The following NSD2 variants were observed in gnomAD, a reference collection of about 807,000 sequenced individuals.
The protein encoded by NSD2 is histone-lysine N-methyltransferase NSD2.
A neutral mutation model predicts 139.0 loss-of-function variants in NSD2; 12 were observed. That is an observed-to-expected ratio of 0.09 (90% CI 0.06 to 0.14). The LOEUF is 0.14. Ranked by LOEUF, NSD2 falls within the 10% of genes least tolerant of loss-of-function variation. The pLI, the probability that NSD2 is intolerant of heterozygous loss-of-function variation, is 1.00. For synonymous variants in NSD2, 669 were observed against 648.7 expected, an observed-to-expected ratio of 1.03 and a Z score of -0.48; for missense variants, 1,155 against 1,745.0, an observed-to-expected ratio of 0.66 and a Z score of 6.02.
rs1261596790 is a variant in NSD2 at position 1,981,961 on chromosome 4, A to T, written c.*3052A>T. 1 of 398,452 alleles carries T rather than the reference A, an allele frequency of 2.5e-6. No individual in the cohort carries two copies. Among genetic ancestry groups the T allele is most frequent in the Non-Finnish European group, 4.4e-6 (1 of 226,070 alleles). The allele number at this position is 398,452 out of a possible 1,614,324, so 24.7% of individuals were successfully genotyped here. A position where few individuals can be genotyped will look rare whatever the true frequency, so the allele number is the denominator to read the frequency against. ...ATTAAATACAAACTTAAATGTGCCT[A>T]TTGGTGTCTAAACTTCATACAATGT... On this transcript the variant is annotated 3_prime_UTR_variant, in exon 22 of 22. Coordinates refer to ENST00000508803, the MANE Select transcript of NSD2 (RefSeq NM_001042424.3).
intron 7 of NSD2, 113 bp downstream of exon 7, chr4:1,935,375 C>T (rs1345120254): frequency 2.7e-6 from 2 of 745,954 alleles, no homozygotes; most frequent in Admixed American, 4.6e-5. Flanking sequence ...GTGCACCCAG[C>T]TCCTTCCAGG....
At chr4:1,960,984 G>A (rs977161093) in intron 17 of NSD2, 51 bp from the exon 18 acceptor site, 3 of 1,501,768 alleles carry the variant, frequency 2.0e-6, no homozygotes, top group East Asian at 4.6e-5. Context: ...CCCCGACACT[G>A]AGGATTGGTC....
chr4:1,903,504 C>T (rs971236977), intron 2 of NSD2, among the ~76,000 whole-genome samples: 4 of 152,114 alleles, frequency 2.6e-5, no homozygotes, highest in Admixed American at 2.0e-4. Context: ...ATGTTGGTGA[C>T]ACATGGGCTG....
At chr4:1,965,400 A>G (rs1194287291) in intron 18 of NSD2, among the ~76,000 whole-genome samples, 4 of 152,246 alleles carry the variant, frequency 2.6e-5, no homozygotes, top group African/African-American at 9.6e-5. Context: ...AAGCAGACCA[A>G]TATATCTATT....
Position 1,948,420 on chromosome 4 carries a change from A to T in NSD2, c.1882-2652A>T. ...GTGAGTCACGTCACCTGGTGCGTGG[A>T]GGTGGAGCCTGCGGCTGGAGTAAGG... is the stretch of plus-strand genomic sequence containing the variant. On this transcript the variant is annotated intron_variant, in intron 9 of 21. Transcript: ENST00000508803. The surrounding 1 kb of genome is among the most constrained non-coding windows in gnomAD (Gnocchi z 4.5). 1 of 1,066,248 alleles carries T rather than the reference A, an allele frequency of 9.4e-7. No homozygotes were observed. The highest frequency in any genetic ancestry group is 1.1e-6 in the Non-Finnish European group (1 of 878,962). The allele number at this position is 1,066,248 out of a possible 1,614,324, so 66.0% of individuals were successfully genotyped here. A position where few individuals can be genotyped will look rare whatever the true frequency, so the allele number is the denominator to read the frequency against.
chr4:1,967,148 A>G (rs1409912939), intron 18 of NSD2, among the ~76,000 whole-genome samples: 2 of 152,224 alleles, frequency 1.3e-5, no homozygotes, highest in Non-Finnish European at 2.9e-5. Context: ...ACTGTGAACA[A>G]CTGTACTCCA....
rs1726666600 is a variant in NSD2, at chr4:1,973,088, G to A, written c.3373-1775G>A. On this transcript the variant is annotated intron_variant, in intron 18 of 21. Coordinates refer to ENST00000508803, the MANE Select transcript of NSD2 (RefSeq NM_001042424.3). The surrounding 1 kb of genome is among the most constrained non-coding windows in gnomAD (Gnocchi z 5.5). The stretch of plus-strand genomic sequence containing the variant: ...GCTGGTTTCGAACTCCTGGCCTCAA[G>A]TGATCCTTGGCCTCCCAAAGTACTG... Among the ~76,000 whole-genome samples the A allele has an allele frequency of 6.6e-6, 1 of 152,202 alleles. No individual in the cohort carries two copies. Among genetic ancestry groups the A allele is most frequent in the Non-Finnish European group, 1.5e-5 (1 of 68,030 alleles).
intron 1 of NSD2, chr4:1,899,427 A>T (rs1485884845): frequency 6.6e-6 from 1 of 152,160 alleles, no homozygotes; most frequent in African/African-American, 2.4e-5. Flanking sequence ...GTGGTAATAA[A>T]AAATGCTTCC....
intron 1 of NSD2, among the ~76,000 whole-genome samples, chr4:1,881,285 G>A (rs1054037789): frequency 2.0e-5 from 3 of 152,110 alleles, no homozygotes; most frequent in African/African-American, 7.2e-5. Context: ...TTTTGAGACG[G>A]AGTCTTGCTT....
chr4:1,951,892 C>A, intron 10 of NSD2: 1 of 643,132 alleles, frequency 1.6e-6, no homozygotes, highest in Non-Finnish European at 2.5e-6. Context: ...TTGCTGAGGA[C>A]TGGCCTCTTT....
At chr4:1,874,701 C>G (rs1199516671) in intron 1 of NSD2, among the ~76,000 whole-genome samples, 1 of 152,078 alleles carries the variant, frequency 6.6e-6, no homozygotes, top group East Asian at 1.9e-4. Flanking sequence ...TAGAACAGAT[C>G]TGTACTACCA....
rs1724982532 is a variant in NSD2, at chr4:1,957,801, G to A, written c.2882-132G>A. The A allele has an allele frequency of 3.6e-6, 3 of 837,762 alleles. No homozygotes were observed. In the South Asian group the frequency reaches 5.5e-5, roughly 15 times the overall value. The allele number at this position is 837,762 out of a possible 1,614,324, so 51.9% of individuals were successfully genotyped here. A position where few individuals can be genotyped will look rare whatever the true frequency, so the allele number is the denominator to read the frequency against. Reference sequence around the variant, plus strand: ...ACCTGCCCACTGACAGTTGTTCATAGACTCTAGTTTTATGGGAACCAGAAA... The same window carrying A: ...ACCTGCCCACTGACAGTTGTTCATAAACTCTAGTTTTATGGGAACCAGAAA... On this transcript the variant is annotated intron_variant, in intron 15 of 21. Coordinates refer to ENST00000508803, the MANE Select transcript of NSD2 (RefSeq NM_001042424.3).
rs539743018 is a variant in NSD2, at chr4:1,980,574, C to T, written c.*1665C>T. The stretch of plus-strand genomic sequence containing the variant: ...TCTTTGGACCTGAGAGTGGCTACTC[C>T]GTGGTTTTGTGACCTGTAAGCGTGG... On this transcript the variant is annotated 3_prime_UTR_variant, in exon 22 of 22. Coordinates refer to ENST00000508803, the MANE Select transcript of NSD2 (RefSeq NM_001042424.3). 8.1e-4 allele frequency: 188 copies of T among 233,158 alleles called. No homozygotes were observed. Among genetic ancestry groups the T allele is most frequent in the African/African-American group, 8.6e-4 (39 of 45,436 alleles). The allele number at this position is 233,158 out of a possible 1,614,324, so 14.4% of individuals were successfully genotyped here.
Position 1,980,013 on chromosome 4 carries a change from C to G in NSD2, c.*1104C>G, listed in dbSNP as rs1188796016. The G allele has an allele frequency of 8.6e-6, 2 of 232,838 alleles. No individual in the cohort carries two copies. The highest frequency in any genetic ancestry group is 1.7e-5 in the Non-Finnish European group (2 of 117,842). The allele number at this position is 232,838 out of a possible 1,614,324, so 14.4% of individuals were successfully genotyped here. On this transcript the variant is annotated 3_prime_UTR_variant, in exon 22 of 22. Coordinates refer to ENST00000508803, the MANE Select transcript of NSD2 (RefSeq NM_001042424.3). ...ACCCAGAGTGGCTTCCATCTCAGCACTCTGTGGGTCTGGTGATGGAAGATG... is the reference window on the plus strand; with the variant it reads ...ACCCAGAGTGGCTTCCATCTCAGCAGTCTGTGGGTCTGGTGATGGAAGATG...
rs1311533147 is a variant in NSD2 at position 1,979,107 on chromosome 4, G to C, written c.*198G>C. Reference sequence around the variant, plus strand: ...GTCCGCTGCGTCTGCACTGATGACCGTCTGAGCCCAGCTCAGCGTTCCTGG... The same window carrying C: ...GTCCGCTGCGTCTGCACTGATGACCCTCTGAGCCCAGCTCAGCGTTCCTGG... On this transcript the variant is annotated 3_prime_UTR_variant, in exon 22 of 22. Coordinates refer to ENST00000508803, the MANE Select transcript of NSD2 (RefSeq NM_001042424.3). The C allele has an allele frequency of 1.7e-5, 9 of 539,948 alleles. No homozygotes were observed. In the South Asian group the frequency reaches 4.8e-4, roughly 29 times the overall value. 33.4% of individuals were successfully genotyped at this position (539,948 alleles called of 1,614,324 possible). A position where few individuals can be genotyped will look rare whatever the true frequency, so the allele number is the denominator to read the frequency against.
In NSD2 at chr4:1,981,935, A is replaced by T; in HGVS notation, c.*3026A>T. The stretch of plus-strand genomic sequence containing the variant: ...TTGAGGTGTGAAATGCCCCGTCAGA[A>T]ATTAAATACAAACTTAAATGTGCCT... On this transcript the variant is annotated 3_prime_UTR_variant, in exon 22 of 22. Transcript: ENST00000508803. 1 of 398,596 alleles carries T rather than the reference A, an allele frequency of 2.5e-6. No individual in the cohort carries two copies. The highest frequency in any genetic ancestry group is 4.4e-5 in the Admixed American group (1 of 22,732). The allele number at this position is 398,596 out of a possible 1,614,324, so 24.7% of individuals were successfully genotyped here.
chr4:1,911,955 G>A (rs1009828014), intron 3 of NSD2: 11 of 189,752 alleles, frequency 5.8e-5, no homozygotes, highest in African/African-American at 1.7e-4. Flanking sequence ...TATATTGTGT[G>A]TGCTGTTACA....
intron 8 of NSD2, among the ~76,000 whole-genome samples, 186 bp downstream of exon 8, chr4:1,938,718 T>C (rs1722756235): frequency 6.6e-6 from 1 of 152,214 alleles, no homozygotes; most frequent in African/African-American, 2.4e-5. Flanking sequence ...AAAACTAAAC[T>C]GTTTTAATGT....
rs535066596 is a variant in NSD2 at position 1,978,835 on chromosome 4, C to T, written c.4024C>T (p.Pro1342Ser). Residue 1342 changes from proline to serine, a missense_variant, in exon 22 of 22, where the codon CCC (proline) becomes TCC (serine). Around this residue, in one of 8 missense-constraint regions of NSD2, gnomAD observed 132 missense variants for 94.3 expected, o/e 1.40. Coordinates refer to ENST00000508803, the MANE Select transcript of NSD2 (RefSeq NM_001042424.3). ...SVRSTKTEKP[P>S]PEPGKPKGKR... Reference sequence around the variant, plus strand: ...CAGAAGCACCAAGACTGAGAAGCCCCCCCCAGAGCCAGGGAAGCCGAAGGG... The same window carrying T: ...CAGAAGCACCAAGACTGAGAAGCCCTCCCCAGAGCCAGGGAAGCCGAAGGG... 2.0e-4 allele frequency: 315 copies of T among 1,603,596 alleles called. 1 individual carries two copies. Among genetic ancestry groups the T allele is most frequent in the Middle Eastern group, 1.5e-3 (9 of 6,044 alleles).
Sources: allele counts gnomAD v4.1 joint callset (sites outside exome capture counted in the v4.1 genomes callset), GRCh38; gene constraint gnomAD v4.1.1; regional missense constraint gnomAD v4.1.1; non-coding constraint Gnocchi (gnomAD v3.1); transcripts MANE v1.5; gene names NCBI Gene and HGNC (gene_info 2026-07-23, HGNC 2026-07-21).